TRPV2: variants seen among roughly 807,000 people sequenced by gnomAD.
The protein encoded by TRPV2 is transient receptor potential cation channel subfamily V member 2.
In TRPV2, 58 loss-of-function variants were observed where a neutral mutation model predicts 91.0. The ratio of observed to expected loss-of-function variants is 0.64; its 90% CI spans 0.52 to 0.79. The LOEUF is 0.79. Ranked by LOEUF, TRPV2 falls within the 30% of genes least tolerant of loss-of-function variation. The pLI, the probability that TRPV2 is intolerant of heterozygous loss-of-function variation, is 0.00. For missense variants in TRPV2, 807 were observed against 969.6 expected, an observed-to-expected ratio of 0.83 and a Z score of 2.23; for synonymous variants, 417 against 414.8, an observed-to-expected ratio of 1.01 and a Z score of -0.06.
At position 16,417,544 on chromosome 17, in the gene TRPV2, T is replaced by C; in HGVS notation, c.-107-18T>C. Reference sequence around the variant, plus strand: ...CCACGCCCAGCCTTTTGCACTAACCTAATACCTCCTTTTGCAGGCTCCAGT... The same window carrying C: ...CCACGCCCAGCCTTTTGCACTAACCCAATACCTCCTTTTGCAGGCTCCAGT... On this transcript the variant is annotated intron_variant, in intron 1 of 14. Coordinates refer to ENST00000338560, the MANE Select transcript of TRPV2 (RefSeq NM_016113.5). 2.9e-6 allele frequency: 3 copies of C among 1,035,918 alleles called. No individual in the cohort carries two copies. Among genetic ancestry groups the C allele is most frequent in the Non-Finnish European group, 4.3e-6 (3 of 700,326 alleles). The allele number at this position is 1,035,918 out of a possible 1,614,324, so 64.2% of individuals were successfully genotyped here.
At position 16,436,793 on chromosome 17, in the gene TRPV2, T is replaced by A; in HGVS notation, c.2199T>A (p.Thr733=). The change falls in exon 15 of 15, where the codon ACT becomes ACA. Residue 733 remains threonine (T), a synonymous_variant. Coordinates refer to ENST00000338560, the MANE Select transcript of TRPV2 (RefSeq NM_016113.5). ...EDPSGAGVPR[T]LENPVLASPP... ...GTGCTTGCCATCTGTTTACAGGAACTCTCGAGAACCCTGTCCTGGCTTCCC... is the reference window on the plus strand; with the variant it reads ...GTGCTTGCCATCTGTTTACAGGAACACTCGAGAACCCTGTCCTGGCTTCCC... The A allele has an allele frequency of 6.2e-7, 1 of 1,613,276 alleles. No individual in the cohort carries two copies. The highest frequency in any genetic ancestry group is 1.1e-5 in the South Asian group (1 of 91,068).
intron 4 of TRPV2, 71 bp from the exon 5 acceptor site, chr17:16,423,389 GCCTTTTGTC>G (rs1247308196): frequency 1.4e-6 from 2 of 1,476,186 alleles, no homozygotes; most frequent in East Asian, 4.6e-5. Flanking sequence ...AGGAGGGCTG[GCCTTTTGTC>G]CAAGGAGCAT....
rs756181218 is a variant in TRPV2 at position 16,426,052 on chromosome 17, G to A, written c.925-47G>A. The A allele has an allele frequency of 4.4e-6, 7 of 1,607,610 alleles. No individual in the cohort carries two copies. The Admixed American group carries it at 5.0e-5, about 12-fold the overall frequency. ...GTTTCCCAGCCTTGGCCCAGGATCA[G>A]TGCCAGGAAGGGACCATGAATGCAA... is the stretch of plus-strand genomic sequence containing the variant. On this transcript the variant is annotated intron_variant, in intron 5 of 14. Transcript: ENST00000338560. The surrounding 1 kb of genome is among the most constrained non-coding windows in gnomAD (Gnocchi z 6.0).
intron 3 of TRPV2, among the ~76,000 whole-genome samples, chr17:16,420,718 A>G (rs1351687729): frequency 1.3e-5 from 2 of 152,208 alleles, no homozygotes; most frequent in Non-Finnish European, 2.9e-5. Flanking sequence ...GGGTAAACAC[A>G]GTCTCTCATC....
chr17:16,426,751 C>T lies in TRPV2; in HGVS notation c.1125C>T (p.Pro375=). The T allele has an allele frequency of 6.2e-7, 1 of 1,614,038 alleles. No individual in the cohort carries two copies. The highest frequency in any genetic ancestry group is 8.5e-7 in the Non-Finnish European group (1 of 1,179,978). Residue 375 remains proline (P), a synonymous_variant, in exon 7 of 15, where the codon CCC becomes CCT. Transcript: ENST00000338560. This position sits in a 1 kb window ranked among gnomAD's most constrained non-coding sequence, Gnocchi z 6.0. ...PHRHRMVVLE[P]LNKLLQAKWD... is the part of the protein sequence containing the mutation. ...GACACCGAATGGTCGTTTTGGAGCCCCTGAACAAACTGCTGCAGGCGAAAT... is the reference window on the plus strand; with the variant it reads ...GACACCGAATGGTCGTTTTGGAGCCTCTGAACAAACTGCTGCAGGCGAAAT...
chr17:16,417,978 C>A, intron 2 of TRPV2, 110 bp downstream of exon 2: 1 of 1,091,170 alleles, frequency 9.2e-7, no homozygotes, highest in Non-Finnish European at 1.3e-6. Flanking sequence ...TTCCCACAGC[C>A]TGTGGAGTCC....
chr17:16,422,787 A>T lies in TRPV2; in HGVS notation c.523A>T (p.Ser175Cys). The change falls in exon 4 of 15, where the codon AGT becomes TGT. Residue 175 changes from serine (S) to cysteine (C), a missense_variant. Transcript: ENST00000338560. Reference protein sequence around the residue: ...SALHIAIEKRSLQCVKLLVEN... With the variant: ...SALHIAIEKRCLQCVKLLVEN... ...TCTGCACATCGCCATTGAGAAGAGG[A>T]GTCTGCAGTGTGTGAAGCTCCTGGT... 1 of 1,573,724 alleles carries T rather than the reference A, an allele frequency of 6.4e-7. No individual in the cohort carries two copies. Among genetic ancestry groups the T allele is most frequent in the Non-Finnish European group, 8.6e-7 (1 of 1,157,788 alleles).
chr17:16,425,279 C>A (rs1311028039), intron 5 of TRPV2, among the ~76,000 whole-genome samples: 1 of 152,136 alleles, frequency 6.6e-6, no homozygotes, highest in Non-Finnish European at 1.5e-5. Flanking sequence ...CTGCCTCAGC[C>A]TCCCAAAGTG....
chr17:16,436,119 T>C (rs750373120), intron 14 of TRPV2, among the ~76,000 whole-genome samples: 16 of 152,044 alleles, frequency 1.1e-4, no homozygotes, highest in Non-Finnish European at 4.4e-5. Context: ...CTCTCCCACC[T>C]GGAGCTGAGT....
intron 4 of TRPV2, 58 bp downstream of exon 4, chr17:16,422,947 G>C: frequency 6.6e-7 from 1 of 1,519,248 alleles, no homozygotes; most frequent in Non-Finnish European, 8.8e-7. Flanking sequence ...CTGGTTCAAG[G>C]TCACATGGTT....
At chr17:16,416,127 T>TA (rs749073858) in intron 1 of TRPV2, 1 of 152,446 alleles carries the variant, frequency 6.6e-6, no homozygotes, top group Non-Finnish European at 1.5e-5. Context: ...ACAGATGGGC[T>TA]AAACGGTATG....
In TRPV2 at chr17:16,428,525, C is replaced by T. The variant is rs2093395476; in HGVS notation, c.1421+138C>T. 2.1e-5 allele frequency: 20 copies of T among 968,122 alleles called. No individual in the cohort carries two copies. The South Asian group carries it at 2.7e-4, about 13-fold the overall frequency. The allele number at this position is 968,122 out of a possible 1,614,324, so 60.0% of individuals were successfully genotyped here. A position where few individuals can be genotyped will look rare whatever the true frequency, so the allele number is the denominator to read the frequency against. Reference sequence around the variant, plus strand: ...TCGGGATCTGTGTACAGGCCAGTCCCAGGAGTCTGGGCTGCCGTCCAGCCT... The same window carrying T: ...TCGGGATCTGTGTACAGGCCAGTCCTAGGAGTCTGGGCTGCCGTCCAGCCT... On this transcript the variant is annotated intron_variant, in intron 9 of 14. Coordinates refer to ENST00000338560, the MANE Select transcript of TRPV2 (RefSeq NM_016113.5).
rs2093423526 is a variant in TRPV2, at chr17:16,433,714, G to A, written c.2114+16G>A. 3 of 1,612,638 alleles carry A rather than the reference G, an allele frequency of 1.9e-6. No individual in the cohort carries two copies. Among genetic ancestry groups the A allele is most frequent in the Non-Finnish European group, 2.5e-6 (3 of 1,179,672 alleles). On this transcript the variant is annotated intron_variant, in intron 13 of 14. Transcript: ENST00000338560. ...GGTGCTTCAGGTGAGTGAGTGGTGG[G>A]AGGGTCTCCTGGGGGCCTTGCTGTC...
At chr17:16,432,322 GCCCCC>G in intron 12 of TRPV2, 22 bp downstream of exon 12, 3 of 1,582,602 alleles carry the variant, frequency 1.9e-6, no homozygotes, top group Admixed American at 1.7e-5. Context: ...GAGGCTCCCT[GCCCCC>G]ACCCCACCCC....
rs1600979131 is a variant in TRPV2 at position 16,428,196 on chromosome 17, C to T, written c.1351-121C>T. 27 of 867,948 alleles carry T rather than the reference C, an allele frequency of 3.1e-5. No homozygotes were observed. The South Asian group carries it at 3.2e-4, about 10-fold the overall frequency. 53.8% of individuals were successfully genotyped at this position (867,948 alleles called of 1,614,324 possible). A position where few individuals can be genotyped will look rare whatever the true frequency, so the allele number is the denominator to read the frequency against. ...CAGCTATCAGAAGTATTCATGAGTC[C>T]CCCAAAACCAAAGCTGCTGACTTAG... On this transcript the variant is annotated intron_variant, in intron 8 of 14. Coordinates refer to ENST00000338560, the MANE Select transcript of TRPV2 (RefSeq NM_016113.5).
chr17:16,419,882 C>T (rs565804309), intron 2 of TRPV2, among the ~76,000 whole-genome samples: 24 of 152,316 alleles, frequency 1.6e-4, no homozygotes, highest in African/African-American at 5.8e-4. Flanking sequence ...TGATGACTGG[C>T]GTCATGGGGA....
chr17:16,417,960 AGT>A, intron 2 of TRPV2, 92 bp downstream of exon 2: 1 of 1,264,804 alleles, frequency 7.9e-7, no homozygotes, highest in East Asian at 2.5e-5. Context: ...GTCCAGCACC[AGT>A]GCCCCTTCCC....
At chr17:16,428,183 G>A (rs1382983136) in intron 8 of TRPV2, 134 bp from the exon 9 acceptor site, 1 of 765,880 alleles carries the variant, frequency 1.3e-6, no homozygotes, top group Non-Finnish European at 2.3e-6. Flanking sequence ...GCTATCAGAA[G>A]TATTCATGAG....
intron 5 of TRPV2, among the ~76,000 whole-genome samples, chr17:16,423,996 T>A (rs1258453528): frequency 6.6e-6 from 1 of 150,550 alleles, no homozygotes; most frequent in East Asian, 1.9e-4. Context: ...ACATTGAGAT[T>A]TTTTTTTTTT....
Sources: allele counts gnomAD v4.1 joint callset (sites outside exome capture counted in the v4.1 genomes callset), GRCh38; gene constraint gnomAD v4.1.1; non-coding constraint Gnocchi (gnomAD v3.1); transcripts MANE v1.5; gene names NCBI Gene and HGNC (gene_info 2026-07-23, HGNC 2026-07-21).